Variants in PHF21A observed in about 807,000 individuals in gnomAD.
PHF21A encodes the protein BHC80a.
PHF21A carries 11 observed loss-of-function variants against 82.5 expected under a neutral mutation model. The observed-to-expected ratio is 0.13, with a 90% CI of 0.08 to 0.22. PHF21A has a LOEUF of 0.22. Among genes scored for constraint, PHF21A ranks in the 10% least tolerant of loss-of-function variants. PHF21A has a pLI of 1.00. For missense variants in PHF21A, 579 were observed against 837.8 expected (o/e 0.69, Z 3.81); for synonymous variants, 297 against 302.8 (o/e 0.98, Z 0.20).
intron 6 of PHF21A, among the ~76,000 whole-genome samples, chr11:45,986,693 G>C (rs1284488208): frequency 6.6e-6 from 1 of 152,056 alleles, no homozygotes; most frequent in Admixed American, 6.6e-5. Context: ...ATTAATGGTG[G>C]GGAATGCTTA....
Position 45,950,364 on chromosome 11 carries a change from T to G in PHF21A, c.1096-107A>C, listed in dbSNP as rs1045981973. Reference sequence around the variant, plus strand: ...GGAAAGCCAGCCCAATGGGCGGGTCTCATGAATGCACAAGAGCAGGCATTC... The same window carrying G: ...GGAAAGCCAGCCCAATGGGCGGGTCGCATGAATGCACAAGAGCAGGCATTC... On this transcript the variant is annotated intron_variant, in intron 11 of 18. Coordinates refer to ENST00000676320, the MANE Select transcript of PHF21A (RefSeq NM_001352027.3). 27 of 805,896 alleles carry G rather than the reference T, an allele frequency of 3.4e-5. No homozygotes were observed. The Admixed American group carries it at 5.4e-4, about 16-fold the overall frequency. The allele number at this position is 805,896 out of a possible 1,614,324, so 49.9% of individuals were successfully genotyped here.
intron 1 of PHF21A, among the ~76,000 whole-genome samples, chr11:46,102,590 A>T (rs1003651727): frequency 6.6e-6 from 1 of 152,224 alleles, no homozygotes; most frequent in Non-Finnish European, 1.5e-5. Flanking sequence ...AGTCTAATAA[A>T]TTAATGCTTA....
At chr11:46,034,615 T>C (rs2095949584) in intron 6 of PHF21A, among the ~76,000 whole-genome samples, 1 of 152,154 alleles carries the variant, frequency 6.6e-6, no homozygotes, top group African/African-American at 2.4e-5. Context: ...CAGACAAAAA[T>C]TACGGTGACT....
chr11:45,996,653 G>C (rs967704254), intron 6 of PHF21A, among the ~76,000 whole-genome samples: 2 of 152,190 alleles, frequency 1.3e-5, no homozygotes, highest in Non-Finnish European at 2.9e-5. Flanking sequence ...GTACATGCTT[G>C]AGCAGATAAA....
At chr11:45,990,844 T>G (rs1197071023) in intron 6 of PHF21A, among the ~76,000 whole-genome samples, 1 of 152,148 alleles carries the variant, frequency 6.6e-6, no homozygotes. Flanking sequence ...AAGCTACACA[T>G]AGCAGAACAT....
At chr11:46,053,792 T>A (rs1256476785) in intron 6 of PHF21A, among the ~76,000 whole-genome samples, 2 of 152,210 alleles carry the variant, frequency 1.3e-5, no homozygotes, top group Non-Finnish European at 2.9e-5. Context: ...ATCAATCACA[T>A]AAATTATTCT....
At chr11:46,053,151 A>G (rs1287171878) in intron 6 of PHF21A, among the ~76,000 whole-genome samples, 3 of 152,206 alleles carry the variant, frequency 2.0e-5, no homozygotes, top group Admixed American at 2.0e-4. Context: ...TGTATTTTAG[A>G]AGTTGATTTA....
chr11:45,931,723 T>TG lies in PHF21A; in HGVS notation c.*2244dup, dbSNP rs1257332237. ...CCATTCCCAGGGCCTGGAGTGGGCTTGGGGGAGATGCTCCAGCAGGGCCAG... is the reference window on the plus strand; with the variant it reads ...CCATTCCCAGGGCCTGGAGTGGGCTTGGGGGGAGATGCTCCAGCAGGGCCAG... On this transcript the variant is annotated 3_prime_UTR_variant, in exon 19 of 19. Coordinates refer to ENST00000676320, the MANE Select transcript of PHF21A (RefSeq NM_001352027.3). 1.2e-4 allele frequency: 19 copies of TG among 152,392 alleles called. No homozygotes were observed. Among genetic ancestry groups the TG allele is most frequent in the African/African-American group, 4.3e-4 (18 of 41,554 alleles). The allele number at this position is 152,392 out of a possible 1,614,324, so 9.4% of individuals were successfully genotyped here.
chr11:46,109,880 C>G (rs2097192216), intron 1 of PHF21A, among the ~76,000 whole-genome samples: 2 of 151,314 alleles, frequency 1.3e-5, no homozygotes, highest in South Asian at 4.2e-4. Context: ...CTCGGGAAGG[C>G]TGAGGAAGGA....
intron 6 of PHF21A, among the ~76,000 whole-genome samples, chr11:46,067,003 G>A (rs1449127491): frequency 6.6e-6 from 1 of 152,076 alleles, no homozygotes; most frequent in Non-Finnish European, 1.5e-5. Context: ...ATTCAGTTAA[G>A]CACCTCATTA....
chr11:46,048,871 G>T (rs2096299167), intron 6 of PHF21A, among the ~76,000 whole-genome samples: 1 of 152,106 alleles, frequency 6.6e-6, no homozygotes, highest in Non-Finnish European at 1.5e-5. Flanking sequence ...CAGTCACATG[G>T]TAAGTCTATG....
intron 14 of PHF21A, among the ~76,000 whole-genome samples, chr11:45,946,756 C>A (rs941716563): frequency 6.6e-6 from 1 of 152,176 alleles, no homozygotes; most frequent in Non-Finnish European, 1.5e-5. Flanking sequence ...TTTAATGATT[C>A]TCAGTTCCCA....
chr11:45,997,861 A>G (rs1246626180), intron 6 of PHF21A, among the ~76,000 whole-genome samples: 2 of 152,208 alleles, frequency 1.3e-5, no homozygotes, highest in Non-Finnish European at 2.9e-5. Flanking sequence ...TCCTCTTATC[A>G]GAACCTAAAA....
chr11:46,074,375 A>ACC (rs1470368010), intron 6 of PHF21A, among the ~76,000 whole-genome samples: 1 of 151,594 alleles, frequency 6.6e-6, no homozygotes, highest in Non-Finnish European at 1.5e-5. Flanking sequence ...TATCAGTCAT[A>ACC]CGGATAAGGT....
Position 45,950,129 on chromosome 11 carries a change from A to T in PHF21A, c.1147+77T>A, listed in dbSNP as rs562330701. On this transcript the variant is annotated intron_variant, in intron 12 of 18. Coordinates refer to ENST00000676320, the MANE Select transcript of PHF21A (RefSeq NM_001352027.3). The stretch of plus-strand genomic sequence containing the variant: ...TTGTGTTCCAATTTTCTATTCCAGG[A>T]ATTCAATCAAACATCATTTTCAGGA... 1.2e-5 allele frequency: 13 copies of T among 1,126,674 alleles called. No individual in the cohort carries two copies. The East Asian group carries it at 1.7e-4, about 15-fold the overall frequency. 69.8% of individuals were successfully genotyped at this position (1,126,674 alleles called of 1,614,324 possible).
At chr11:46,105,239 G>A (rs1020393276) in intron 1 of PHF21A, among the ~76,000 whole-genome samples, 5 of 152,140 alleles carry the variant, frequency 3.3e-5, no homozygotes, top group Non-Finnish European at 5.9e-5. Context: ...CTACTGACAC[G>A]CTATAAACTC....
chr11:45,954,037 C>A (rs1402343235), intron 10 of PHF21A, among the ~76,000 whole-genome samples: 1 of 152,090 alleles, frequency 6.6e-6, no homozygotes, highest in East Asian at 1.9e-4. Flanking sequence ...GCTCTCGTTG[C>A]CCAGGCTGGA....
chr11:46,052,829 A>G (rs542624090), intron 6 of PHF21A, among the ~76,000 whole-genome samples: 129 of 152,332 alleles, frequency 8.5e-4, no homozygotes, highest in Middle Eastern at 3.4e-3. Flanking sequence ...ATCTCTGACC[A>G]AGCCATCTTA....
chr11:45,939,092 A>G (rs2089814772), intron 15 of PHF21A, among the ~76,000 whole-genome samples: 1 of 152,218 alleles, frequency 6.6e-6, no homozygotes, highest in Non-Finnish European at 1.5e-5. Context: ...TCAGCCTCCC[A>G]AAGTGCTGGG....
Sources: gnomAD v4.1 joint callset for allele counts (sites outside exome capture counted in the v4.1 genomes callset) on GRCh38, gnomAD v4.1.1 for gene constraint, MANE v1.5 for transcripts, NCBI Gene and HGNC (gene_info 2026-07-23, HGNC 2026-07-21) for gene names.